The following PCDH9 variants were observed in gnomAD, a reference collection of about 807,000 sequenced individuals.
PCDH9 encodes protocadherin 9, also known as protocadherin-9.
In PCDH9, 24 loss-of-function variants were observed where a neutral mutation model predicts 70.6. The observed-to-expected ratio is 0.34, with a 90% CI of 0.25 to 0.48. The LOEUF (loss-of-function observed/expected upper bound fraction) is 0.48. Among genes scored for constraint, PCDH9 ranks in the 20% least tolerant of loss-of-function variants. The pLI is 0.99. For missense variants in PCDH9, 1,281 were observed against 1,503.6 expected (o/e 0.85, Z 2.45); for synonymous variants, 562 against 558.5 (o/e 1.01, Z -0.09).
chr13:66,439,148 C>G (rs2138396526), intron 4 of PCDH9, among the ~76,000 whole-genome samples: 1 of 152,292 alleles, frequency 6.6e-6, no homozygotes, highest in Admixed American at 6.5e-5. Context: ...TCTTTGTTAA[C>G]ACTCCTATTG....
At chr13:66,797,224 A>G (rs2080256687) in intron 3 of PCDH9, among the ~76,000 whole-genome samples, 1 of 152,148 alleles carries the variant, frequency 6.6e-6, no homozygotes, top group Admixed American at 6.6e-5. Context: ...ACCATTAGTT[A>G]GGCATTGCTC....
intron 3 of PCDH9, among the ~76,000 whole-genome samples, chr13:66,870,243 T>C (rs2081651745): frequency 6.6e-6 from 1 of 152,078 alleles, no homozygotes; most frequent in Non-Finnish European, 1.5e-5. Flanking sequence ...AGATATGCGG[T>C]GTTATTTCTG....
chr13:66,866,496 A>G (rs1184103747), intron 3 of PCDH9, among the ~76,000 whole-genome samples: 1 of 146,748 alleles, frequency 6.8e-6, no homozygotes, highest in Non-Finnish European at 1.5e-5. Flanking sequence ...ACAAAAACAA[A>G]AAAACAAAAA....
At chr13:67,006,378 T>G (rs1178584386) in intron 2 of PCDH9, among the ~76,000 whole-genome samples, 1 of 152,182 alleles carries the variant, frequency 6.6e-6, no homozygotes. Context: ...GGAAGAGGCT[T>G]CTGTGATAAT....
intron 3 of PCDH9, among the ~76,000 whole-genome samples, chr13:66,878,871 T>G (rs186906459): frequency 6.6e-6 from 1 of 152,178 alleles, no homozygotes. Context: ...ACTGGAAAGA[T>G]AGCTTCAAGT....
At chr13:66,580,862 G>A (rs2076882103) in intron 4 of PCDH9, among the ~76,000 whole-genome samples, 1 of 152,014 alleles carries the variant, frequency 6.6e-6, no homozygotes, top group Admixed American at 6.6e-5. Flanking sequence ...AAAAATAACT[G>A]AGAACAATCT....
chr13:66,514,774 C>A (rs1189331474), intron 4 of PCDH9, among the ~76,000 whole-genome samples: 2 of 152,134 alleles, frequency 1.3e-5, no homozygotes, highest in South Asian at 4.2e-4. Context: ...CTGCCTGCTA[C>A]ATAATGTAAA....
chr13:66,747,795 TCCA>T (rs2079395122), intron 3 of PCDH9, among the ~76,000 whole-genome samples: 2 of 152,158 alleles, frequency 1.3e-5, no homozygotes, highest in African/African-American at 4.8e-5. Flanking sequence ...ATATATAATC[TCCA>T]CATTATTATG....
chr13:66,891,031 C>T (rs573310781), intron 3 of PCDH9, among the ~76,000 whole-genome samples: 4 of 152,104 alleles, frequency 2.6e-5, no homozygotes, highest in South Asian at 2.1e-4. Flanking sequence ...TCCAGAATGT[C>T]GCAGAAATAA....
At chr13:66,337,788 G>A (rs914982288) in intron 4 of PCDH9, among the ~76,000 whole-genome samples, 4 of 152,118 alleles carry the variant, frequency 2.6e-5, no homozygotes, top group East Asian at 1.9e-4. Flanking sequence ...ATGAGATCTC[G>A]TGTTTATTTA....
chr13:66,863,064 A>C (rs2081510134), intron 3 of PCDH9, among the ~76,000 whole-genome samples: 1 of 152,210 alleles, frequency 6.6e-6, no homozygotes, highest in African/African-American at 2.4e-5. Context: ...TATTTCTTTA[A>C]AAATAGTTGG....
At chr13:67,116,166 G>A (rs996243506) in intron 2 of PCDH9, among the ~76,000 whole-genome samples, 7 of 152,042 alleles carry the variant, frequency 4.6e-5, no homozygotes, top group Admixed American at 3.3e-4. Flanking sequence ...ATGAGTAAAC[G>A]AGAAAATACA....
At chr13:67,041,360 G>A (rs2085109769) in intron 2 of PCDH9, among the ~76,000 whole-genome samples, 1 of 152,122 alleles carries the variant, frequency 6.6e-6, no homozygotes, top group South Asian at 2.1e-4. Context: ...CCATGGATAA[G>A]GAGAAACCAT....
chr13:67,217,030 T>C (rs941644559), intron 2 of PCDH9: 10 of 152,162 alleles, frequency 6.6e-5, no homozygotes, highest in African/African-American at 2.2e-4. Flanking sequence ...AAAAGTTTCC[T>C]GCCGAATCCT....
At chr13:67,103,264 CAT>C (rs757780359) in intron 2 of PCDH9, among the ~76,000 whole-genome samples, 3 of 151,990 alleles carry the variant, frequency 2.0e-5, no homozygotes, top group South Asian at 2.1e-4. Context: ...CAAATACTAA[CAT>C]ATGTGAAAAT....
At chr13:66,867,602 T>A (rs1346600227) in intron 3 of PCDH9, among the ~76,000 whole-genome samples, 1 of 152,090 alleles carries the variant, frequency 6.6e-6, no homozygotes, top group Non-Finnish European at 1.5e-5. Context: ...CGAAAAATAA[T>A]TTATTAACCC....
chr13:66,926,504 T>G (rs1460384678), intron 2 of PCDH9, among the ~76,000 whole-genome samples: 1 of 152,066 alleles, frequency 6.6e-6, no homozygotes, highest in Non-Finnish European at 1.5e-5. Context: ...GCTATGTTAA[T>G]TAGCTCTTAC....
chr13:66,840,381 CA>C, intron 3 of PCDH9, among the ~76,000 whole-genome samples: 1 of 152,104 alleles, frequency 6.6e-6, no homozygotes, highest in Non-Finnish European at 1.5e-5. Flanking sequence ...GTTAAATATT[CA>C]AATACATCTT....
chr13:66,861,161 A>C (rs1029906986), intron 3 of PCDH9, among the ~76,000 whole-genome samples: 1 of 152,210 alleles, frequency 6.6e-6, no homozygotes, highest in Non-Finnish European at 1.5e-5. Context: ...AATCACCCAA[A>C]TGTACTTGAA....
Sources: gnomAD v4.1 joint callset for allele counts (sites outside exome capture counted in the v4.1 genomes callset) on GRCh38, gnomAD v4.1.1 for gene constraint, MANE v1.5 for transcripts, NCBI Gene and HGNC (gene_info 2026-07-23, HGNC 2026-07-21) for gene names.